ASIC2: variants seen among roughly 807,000 people sequenced by gnomAD.
ASIC2 encodes the protein acid sensing ion channel subunit 2, also known as acid-sensing ion channel 2.
ASIC2 carries 25 observed loss-of-function variants against 57.3 expected under a neutral mutation model. The ratio of observed to expected loss-of-function variants is 0.44; its 90% CI spans 0.32 to 0.61. The LOEUF (loss-of-function observed/expected upper bound fraction) is 0.61, where lower values mean the gene tolerates loss of function less well. Ranked by LOEUF, ASIC2 falls within the 20% of genes least tolerant of loss-of-function variation. The probability of loss-of-function intolerance (pLI) is 0.06; values close to 1 mark genes in which losing one functional copy is unlikely to be tolerated. For missense variants in ASIC2, 641 were observed against 738.1 expected (o/e 0.87, Z 1.52); for synonymous variants, 319 against 307.5 (o/e 1.04, Z -0.39).
chr17:33,420,651 G>A (rs12450863), intron 1 of ASIC2, among the ~76,000 whole-genome samples: 32,329 of 152,066 alleles, frequency 0.21, 4,102 homozygotes, highest in African/African-American at 0.36. Flanking sequence ...AATAGATTCA[G>A]GGAGGGTGCT....
chr17:33,229,890 A>G (rs1174980862), intron 1 of ASIC2, among the ~76,000 whole-genome samples: 1 of 152,144 alleles, frequency 6.6e-6, no homozygotes, highest in Non-Finnish European at 1.5e-5. Context: ...TCAAGTGGAG[A>G]GCAGGCAACC....
intron 1 of ASIC2, among the ~76,000 whole-genome samples, chr17:33,829,892 A>T (rs1889913): frequency 0.81 from 123,472 of 152,114 alleles, 50,466 homozygotes; most frequent in African/African-American, 0.85. Context: ...CAGAAGTTGT[A>T]AATTAATTCT....
intron 1 of ASIC2, among the ~76,000 whole-genome samples, chr17:33,568,291 G>C (rs76764490): frequency 1.3e-5 from 2 of 152,162 alleles, no homozygotes; most frequent in Non-Finnish European, 2.9e-5. Flanking sequence ...ACCATATACT[G>C]AGCACCTTTG....
rs554841182 is a variant in ASIC2 at position 33,524,043 on chromosome 17, C to T, written c.556-411976G>A. Among the ~76,000 whole-genome samples the T allele has an allele frequency of 2.6e-5, 4 of 152,326 alleles. No individual in the cohort carries two copies. The South Asian group carries it at 6.2e-4, about 24-fold the overall frequency. Reference sequence around the variant, plus strand: ...CTCAACCTTCTCCAGCTCCTCTCAGCTTTGAGCAGGTATCTTTCACTTTCA... The same window carrying T: ...CTCAACCTTCTCCAGCTCCTCTCAGTTTTGAGCAGGTATCTTTCACTTTCA... On this transcript the variant is annotated intron_variant, in intron 1 of 9. Transcript: ENST00000359872.
At chr17:33,300,892 G>A (rs528901859) in intron 1 of ASIC2, among the ~76,000 whole-genome samples, 1 of 152,208 alleles carries the variant, frequency 6.6e-6, no homozygotes, top group African/African-American at 2.4e-5. Context: ...TGGTCACTGA[G>A]AAGTTGACAT....
chr17:33,623,287 A>T (rs892102991), intron 1 of ASIC2, among the ~76,000 whole-genome samples: 13 of 151,070 alleles, frequency 8.6e-5, no homozygotes, highest in Admixed American at 7.9e-4. Context: ...TTTGAGATGG[A>T]GTCTCTCTCT....
chr17:34,067,311 G>T (rs1161055461), intron 1 of ASIC2, among the ~76,000 whole-genome samples: 1 of 152,088 alleles, frequency 6.6e-6, no homozygotes, highest in Non-Finnish European at 1.5e-5. Flanking sequence ...ATTGAAAAAA[G>T]AATACAAATA....
At chr17:33,224,958 T>A (rs1907826167) in intron 1 of ASIC2, among the ~76,000 whole-genome samples, 1 of 152,158 alleles carries the variant, frequency 6.6e-6, no homozygotes, top group African/African-American at 2.4e-5. Flanking sequence ...CCAGACTGAG[T>A]GCCCAGTCCC....
intron 1 of ASIC2, among the ~76,000 whole-genome samples, chr17:33,993,651 A>G (rs1293538841): frequency 2.0e-5 from 3 of 152,222 alleles, no homozygotes. Context: ...TGTTCTGCCT[A>G]TAGAAAATGA....
At chr17:33,555,691 A>T (rs550323443) in intron 1 of ASIC2, among the ~76,000 whole-genome samples, 33 of 152,276 alleles carry the variant, frequency 2.2e-4, no homozygotes, top group Non-Finnish European at 3.7e-4. Context: ...TGGAGTAGAA[A>T]TTGGACCTCA....
intron 1 of ASIC2, among the ~76,000 whole-genome samples, chr17:33,574,998 G>A (rs1414569785): frequency 6.6e-6 from 1 of 152,192 alleles, no homozygotes; most frequent in Non-Finnish European, 1.5e-5. Context: ...TGTTTCAGCA[G>A]AGTGGAAAGA....
intron 3 of ASIC2, among the ~76,000 whole-genome samples, chr17:33,076,913 A>C (rs1167917320): frequency 6.6e-6 from 1 of 152,244 alleles, no homozygotes; most frequent in Non-Finnish European, 1.5e-5. Flanking sequence ...TGTTTGGTGT[A>C]CATGAGTATG....
At chr17:33,724,395 G>A (rs1909481555) in intron 1 of ASIC2, among the ~76,000 whole-genome samples, 1 of 152,206 alleles carries the variant, frequency 6.6e-6, no homozygotes, top group Admixed American at 6.5e-5. Flanking sequence ...AAAGTTCTGA[G>A]CCGACTTACG....
chr17:33,648,120 G>A (rs534712138), intron 1 of ASIC2, among the ~76,000 whole-genome samples: 28 of 152,322 alleles, frequency 1.8e-4, no homozygotes, highest in African/African-American at 6.5e-4. Flanking sequence ...TGAGGTGAAT[G>A]TAGTATTATC....
In ASIC2 at chr17:33,239,654, G is replaced by C. The variant is rs183056779; in HGVS notation, c.708+51754C>G. On this transcript the variant is annotated intron_variant, in intron 1 of 9. Coordinates refer to ENST00000225823, the MANE Select transcript of ASIC2 (RefSeq NM_183377.2). Reference sequence around the variant, plus strand: ...GGTAATTGGCCTGGGTGCTCAGTGAGTGTTATTAGCCTTCCCACCCTGCCC... The same window carrying C: ...GGTAATTGGCCTGGGTGCTCAGTGACTGTTATTAGCCTTCCCACCCTGCCC... Among the ~76,000 whole-genome samples, 7 of 152,308 alleles carry C rather than the reference G, an allele frequency of 4.6e-5. No homozygotes were observed. The East Asian group carries it at 1.4e-3, about 29-fold the overall frequency.
At chr17:33,939,723 G>A (rs938308660) in intron 1 of ASIC2, among the ~76,000 whole-genome samples, 19 of 152,192 alleles carry the variant, frequency 1.2e-4, no homozygotes, top group South Asian at 2.1e-4. Context: ...GAACCAGACC[G>A]CTGTGGCAAC....
chr17:33,690,063 C>T lies in ASIC2; in HGVS notation c.555+465915G>A, dbSNP rs537968392. ...TGTTATAGCAGCTCTAGGAAACTAACTCTCTCTGCAAATAGAGGTATATAT... is the reference window on the plus strand; with the variant it reads ...TGTTATAGCAGCTCTAGGAAACTAATTCTCTCTGCAAATAGAGGTATATAT... On this transcript the variant is annotated intron_variant, in intron 1 of 9. Coordinates refer to the ASIC2 transcript ENST00000359872. Among the ~76,000 whole-genome samples, 8 of 152,370 alleles carry T rather than the reference C, an allele frequency of 5.3e-5. No individual in the cohort carries two copies. In the South Asian group the frequency reaches 1.4e-3, roughly 28 times the overall value.
intron 1 of ASIC2, among the ~76,000 whole-genome samples, chr17:33,458,164 T>G (rs545888997): frequency 6.6e-6 from 1 of 152,008 alleles, no homozygotes; most frequent in Non-Finnish European, 1.5e-5. Context: ...GCCTGATAGA[T>G]AGAAAGAAGC....
intron 1 of ASIC2, among the ~76,000 whole-genome samples, chr17:33,514,429 G>A (rs1244632634): frequency 1.3e-5 from 2 of 152,086 alleles, no homozygotes; most frequent in African/African-American, 4.8e-5. Context: ...TTCCTAACTG[G>A]TAAAATTGAG....
Sources: gnomAD v4.1 joint callset for allele counts (sites outside exome capture counted in the v4.1 genomes callset) on GRCh38, gnomAD v4.1.1 for gene constraint, MANE v1.5 for transcripts, NCBI Gene and HGNC (gene_info 2026-07-23, HGNC 2026-07-21) for gene names.